ACBD6: variants seen among roughly 807,000 people sequenced by gnomAD.
ACBD6 encodes acyl-CoA binding domain containing 6.
Under a neutral mutation model 37.2 loss-of-function variants are expected in ACBD6, and 28 were observed. The observed-to-expected ratio is 0.75, with a 90% confidence interval of 0.56 to 1.03. ACBD6 has a LOEUF of 1.03. Among genes scored for constraint, ACBD6 ranks in the 50% least tolerant of loss-of-function variants. ACBD6 has a pLI of 0.00. For missense variants in ACBD6, 340 were observed against 337.4 expected (o/e 1.01, Z -0.06); for synonymous variants, 113 against 126.8 (o/e 0.89, Z 0.73).
intron 6 of ACBD6, among the ~76,000 whole-genome samples, chr1:180,351,582 G>GTT (rs59490649): frequency 4.1e-5 from 4 of 96,998 alleles, no homozygotes; most frequent in African/African-American, 1.4e-4. Context: ...CCGATATTAC[G>GTT]TTTTTTTTTT....
chr1:180,416,360 A>G (rs1165261938), intron 4 of ACBD6, among the ~76,000 whole-genome samples: 1 of 152,204 alleles, frequency 6.6e-6, no homozygotes, highest in Admixed American at 6.5e-5. Context: ...CACTATATCC[A>G]TGCTTATTTG....
chr1:180,325,494 C>CT (rs901520009), intron 6 of ACBD6, among the ~76,000 whole-genome samples: 5 of 152,036 alleles, frequency 3.3e-5, no homozygotes, highest in African/African-American at 1.2e-4. Flanking sequence ...TCTTAAATTT[C>CT]TTTGAGTTTC....
At chr1:180,368,046 A>G (rs1257116061) in intron 6 of ACBD6, among the ~76,000 whole-genome samples, 1 of 152,192 alleles carries the variant, frequency 6.6e-6, no homozygotes, top group Non-Finnish European at 1.5e-5. Context: ...CAACCTTGCC[A>G]GCATCAGTTA....
At chr1:180,414,905 G>A (rs1252638871) in intron 4 of ACBD6, among the ~76,000 whole-genome samples, 16 of 152,074 alleles carry the variant, frequency 1.1e-4, no homozygotes, top group Admixed American at 7.2e-4. Flanking sequence ...TCTGATTTTA[G>A]AAAGTAGAGC....
intron 6 of ACBD6, among the ~76,000 whole-genome samples, chr1:180,344,121 A>C (rs1160133433): frequency 6.6e-6 from 1 of 152,190 alleles, no homozygotes; most frequent in Non-Finnish European, 1.5e-5. Flanking sequence ...ATGAGATGCA[A>C]CAGAGGAAAA....
intron 6 of ACBD6, among the ~76,000 whole-genome samples, chr1:180,388,617 T>C (rs904953235): frequency 6.6e-6 from 1 of 152,036 alleles, no homozygotes; most frequent in Non-Finnish European, 1.5e-5. Context: ...TTTTTTTTAA[T>C]TTTTGTAGCA....
intron 3 of ACBD6, among the ~76,000 whole-genome samples, chr1:180,448,966 T>A (rs1649587266): frequency 6.6e-6 from 1 of 152,182 alleles, no homozygotes; most frequent in Non-Finnish European, 1.5e-5. Flanking sequence ...GGAGGACTAT[T>A]CAAAAACTAT....
At chr1:180,275,950 G>C (rs904378207) in intron 9 of ACBD6, 1 of 152,308 alleles carries the variant, frequency 6.6e-6, no homozygotes, top group East Asian at 1.9e-4. Flanking sequence ...TCCTGCGACA[G>C]ACTGCACTGC....
chr1:180,307,690 C>T (rs1434313152), intron 7 of ACBD6, among the ~76,000 whole-genome samples: 1 of 152,194 alleles, frequency 6.6e-6, no homozygotes, highest in African/African-American at 2.4e-5. Context: ...TACAGTGGCT[C>T]ATGCCTGTAA....
At chr1:180,373,710 A>C (rs1653341128) in intron 6 of ACBD6, among the ~76,000 whole-genome samples, 1 of 152,174 alleles carries the variant, frequency 6.6e-6, no homozygotes, top group African/African-American at 2.4e-5. Context: ...CCAGACATTT[A>C]TTATTTAACC....
At chr1:180,430,476 T>A (rs1450863761) in intron 3 of ACBD6, among the ~76,000 whole-genome samples, 1 of 152,130 alleles carries the variant, frequency 6.6e-6, no homozygotes, top group Non-Finnish European at 1.5e-5. Context: ...GCTGGCAATC[T>A]AAGGTATTCC....
At chr1:180,279,134 G>C (rs1348807127) in intron 9 of ACBD6, among the ~76,000 whole-genome samples, 1 of 152,062 alleles carries the variant, frequency 6.6e-6, no homozygotes, top group South Asian at 2.1e-4. Flanking sequence ...ATTATACTTA[G>C]AGCCATGAAA....
intron 6 of ACBD6, among the ~76,000 whole-genome samples, chr1:180,331,805 T>C (rs1651494787): frequency 1.3e-5 from 2 of 152,178 alleles, no homozygotes; most frequent in African/African-American, 2.4e-5. Context: ...TGTTAATAAA[T>C]GGTATGTCAT....
At chr1:180,468,695 G>T (rs1226532476) in intron 3 of ACBD6, among the ~76,000 whole-genome samples, 1 of 152,008 alleles carries the variant, frequency 6.6e-6, no homozygotes, top group East Asian at 1.9e-4. Context: ...TCTCGGTTCT[G>T]CCCTATTTCC....
intron 6 of ACBD6, among the ~76,000 whole-genome samples, chr1:180,378,481 G>C (rs1367194516): frequency 1.3e-5 from 2 of 152,100 alleles, no homozygotes; most frequent in Non-Finnish European, 2.9e-5. Context: ...TCCTAATTTT[G>C]ACAGTTATAT....
chr1:180,487,589 T>C (rs1651322031), intron 3 of ACBD6, among the ~76,000 whole-genome samples: 2 of 150,176 alleles, frequency 1.3e-5, no homozygotes, highest in Admixed American at 1.3e-4. Flanking sequence ...TTTTACTTAA[T>C]AATGGCCCCA....
intron 6 of ACBD6, among the ~76,000 whole-genome samples, chr1:180,368,821 A>C (rs1315789571): frequency 6.6e-6 from 1 of 152,086 alleles, no homozygotes; most frequent in African/African-American, 2.4e-5. Flanking sequence ...CATAAAAGTT[A>C]TGTGTATGTG....
At chr1:180,490,354 C>T (rs1438732013) in intron 3 of ACBD6, among the ~76,000 whole-genome samples, 1 of 151,996 alleles carries the variant, frequency 6.6e-6, no homozygotes, top group African/African-American at 2.4e-5. Context: ...GACTCATGCA[C>T]ATCAGAAACA....
At chr1:180,501,353 A>G (rs1651963214) in intron 1 of ACBD6, among the ~76,000 whole-genome samples, 1 of 152,130 alleles carries the variant, frequency 6.6e-6, no homozygotes, top group African/African-American at 2.4e-5. Context: ...TATTATTATT[A>G]TTATTATTTG....
Sources: gnomAD v4.1 joint callset for allele counts (sites outside exome capture counted in the v4.1 genomes callset) on GRCh38, gnomAD v4.1.1 for gene constraint, MANE v1.5 for transcripts, NCBI Gene and HGNC (gene_info 2026-07-23, HGNC 2026-07-21) for gene names.